Variants in MID1 observed in about 807,000 individuals in gnomAD.
MID1 encodes midline 1.
Under a neutral mutation model 40.4 loss-of-function variants are expected in MID1, and 7 were observed. That is an observed-to-expected ratio of 0.17 (90% CI 0.10 to 0.33). The LOEUF (loss-of-function observed/expected upper bound fraction) is 0.33, where lower values mean the gene tolerates loss of function less well. MID1 is among the 10% of genes least tolerant of loss of function. The pLI is 1.00. For synonymous variants in MID1, 229 were observed against 221.2 expected, an observed-to-expected ratio of 1.04 and a Z score of -0.31; for missense variants, 367 against 558.5, an observed-to-expected ratio of 0.66 and a Z score of 3.46.
intron 1 of MID1, among the ~76,000 whole-genome samples, chrX:10,640,543 T>C (rs1268043733): frequency 9.0e-6 from 1 of 111,408 alleles, no homozygotes; most frequent in East Asian, 2.8e-4. Context: ...CAAAGAGACT[T>C]AGACTCCCAC....
chrX:10,808,483 C>T (rs2044063828), intron 1 of MID1, among the ~76,000 whole-genome samples: 1 of 110,712 alleles, frequency 9.0e-6, no homozygotes. Context: ...ATGGCAACCC[C>T]TCTCTATGGA....
At chrX:10,623,083 C>CAAAAAAAAAAAA (rs763054366), upstream of MID1, among the ~76,000 whole-genome samples, 25 of 32,507 alleles carry the variant, frequency 7.7e-4, 1 homozygote, top group African/African-American at 2.4e-3. Flanking sequence ...GCTGTCTCTA[C>CAAAAAAAAAAAA]AAAAAAAAAA....
chrX:10,582,357 T>A (rs1461558472), intron 1 of MID1, among the ~76,000 whole-genome samples: 1 of 111,926 alleles, frequency 8.9e-6, no homozygotes, highest in Non-Finnish European at 1.9e-5. Context: ...GGGAATAGTC[T>A]GGAATAAAAT....
rs1044758258 is a variant in MID1 at position 10,705,843 on chromosome X, G to A, written c.-186-85424C>T. On this transcript the variant is annotated intron_variant, in intron 1 of 10. Transcript: ENST00000380785. Reference sequence around the variant, plus strand: ...ACTGGCCAATCTGCTAATTCGGGGGGGCTCAGTCCACTTATTCATTGAGCA... The same window carrying A: ...ACTGGCCAATCTGCTAATTCGGGGGAGCTCAGTCCACTTATTCATTGAGCA... Among the ~76,000 whole-genome samples, 4 of 112,127 alleles carry A rather than the reference G, an allele frequency of 3.6e-5. No homozygotes were observed. In the South Asian group the frequency reaches 1.5e-3, roughly 42 times the overall value.
intron 6 of MID1, among the ~76,000 whole-genome samples, chrX:10,474,334 C>T (rs1052122118): frequency 3.6e-5 from 4 of 111,937 alleles, no homozygotes; most frequent in African/African-American, 1.3e-4. Flanking sequence ...AAAAATACCA[C>T]AGAGAGATAC....
intron 1 of MID1, among the ~76,000 whole-genome samples, chrX:10,716,152 G>A (rs1332700894): frequency 8.9e-6 from 1 of 112,006 alleles, no homozygotes; most frequent in Non-Finnish European, 1.9e-5. Context: ...CTCCTACAAA[G>A]GAATGCGGCT....
At chrX:10,773,811 T>C (rs989981991) in intron 1 of MID1, among the ~76,000 whole-genome samples, 2 of 112,031 alleles carry the variant, frequency 1.8e-5, no homozygotes, top group African/African-American at 6.5e-5. Flanking sequence ...CCAGCTCACA[T>C]ACAGGCCAAG....
chrX:10,692,220 C>T (rs1010928113), intron 1 of MID1, among the ~76,000 whole-genome samples: 1 of 111,268 alleles, frequency 9.0e-6, no homozygotes, highest in Non-Finnish European at 1.9e-5. Context: ...TTCAAAATCC[C>T]TAATAAAAAC....
intron 1 of MID1, among the ~76,000 whole-genome samples, chrX:10,673,556 C>A (rs2043002893): frequency 8.9e-6 from 1 of 111,883 alleles, no homozygotes; most frequent in Non-Finnish European, 1.9e-5. Flanking sequence ...TCCATAGTTA[C>A]ATGTGTTGGC....
At chrX:10,563,590 A>G (rs1934420906) in intron 2 of MID1, among the ~76,000 whole-genome samples, 1 of 112,272 alleles carries the variant, frequency 8.9e-6, no homozygotes, top group African/African-American at 3.2e-5. Context: ...GTAAAGAAAT[A>G]TCCACATTAT....
chrX:10,820,137 T>C (rs1449445330), intron 1 of MID1, among the ~76,000 whole-genome samples: 1 of 112,286 alleles, frequency 8.9e-6, no homozygotes, highest in Non-Finnish European at 1.9e-5. Flanking sequence ...ATTAAAGTGA[T>C]AGTCTTTGCT....
intron 8 of MID1, 63 bp downstream of exon 8, chrX:10,459,583 A>T: frequency 3.6e-6 from 4 of 1,124,018 alleles, no homozygotes; most frequent in Non-Finnish European, 4.9e-6. Context: ...AGAAAGGGGG[A>T]CAGAGTCAGC....
At chrX:10,708,451 GA>G (rs765553362) in intron 1 of MID1, among the ~76,000 whole-genome samples, 10 of 111,025 alleles carry the variant, frequency 9.0e-5, no homozygotes, top group Non-Finnish European at 1.7e-4. Flanking sequence ...TGGAAGTTCA[GA>G]GCAGAGGAGG....
chrX:10,789,521 C>T (rs1602579812), intron 1 of MID1, among the ~76,000 whole-genome samples: 1 of 111,961 alleles, frequency 8.9e-6, no homozygotes, highest in Admixed American at 9.4e-5. Flanking sequence ...GTTACAGTTG[C>T]CTGCAGTATT....
In MID1 at chrX:10,537,076, T is replaced by G. The variant is rs1341571013; in HGVS notation, c.661-13889A>C. 6.3e-5 allele frequency among the ~76,000 whole-genome samples: 7 copies of G among 111,373 alleles called. No homozygotes were observed. In the East Asian group the frequency reaches 2.0e-3, roughly 31 times the overall value. ...GGCAGTTCTAAATTGCTTTTTCTAATAAAAATGAAGATAGAACTCAGATGT... is the reference window on the plus strand; with the variant it reads ...GGCAGTTCTAAATTGCTTTTTCTAAGAAAAATGAAGATAGAACTCAGATGT... On this transcript the variant is annotated intron_variant, in intron 2 of 9. Transcript: ENST00000317552.
chrX:10,567,738 T>C, intron 1 of MID1, 135 bp from the exon 2 acceptor site: 2 of 446,604 alleles, frequency 4.5e-6, no homozygotes, highest in East Asian at 7.5e-5. Context: ...CAAATAATTC[T>C]CTTTCTATTC....
intron 1 of MID1, among the ~76,000 whole-genome samples, chrX:10,630,169 G>T (rs920008351): frequency 2.7e-5 from 3 of 111,933 alleles, no homozygotes; most frequent in Non-Finnish European, 5.6e-5. Flanking sequence ...GTTAAGTGCT[G>T]CTGTCATGAG....
At chrX:10,698,344 T>A (rs1286928402) in intron 1 of MID1, among the ~76,000 whole-genome samples, 1 of 112,407 alleles carries the variant, frequency 8.9e-6, no homozygotes, top group Non-Finnish European at 1.9e-5. Context: ...TCTGCCTTAG[T>A]TTTTAAAAAA....
At chrX:10,685,757 TC>T (rs2043091117) in intron 1 of MID1, among the ~76,000 whole-genome samples, 1 of 110,983 alleles carries the variant, frequency 9.0e-6, no homozygotes, top group Non-Finnish European at 1.9e-5. Flanking sequence ...TTCTGAAGGC[TC>T]CTATTTGTAT....
Sources: allele counts gnomAD v4.1 joint callset (sites outside exome capture counted in the v4.1 genomes callset), GRCh38; gene constraint gnomAD v4.1.1; transcripts MANE v1.5; gene names NCBI Gene and HGNC (gene_info 2026-07-23, HGNC 2026-07-21).